Variants in THOP1 observed in about 807,000 individuals in gnomAD.
THOP1 encodes thimet oligopeptidase.
THOP1 carries 49 observed loss-of-function variants against 71.8 expected under a neutral mutation model. The observed-to-expected ratio is 0.68, with a 90% CI of 0.54 to 0.87. The LOEUF (loss-of-function observed/expected upper bound fraction) is 0.87. THOP1 is among the 40% of genes least tolerant of loss of function. The pLI is 0.00. For synonymous variants in THOP1, 426 were observed against 421.5 expected, an observed-to-expected ratio of 1.01 and a Z score of -0.13; for missense variants, 843 against 975.6, an observed-to-expected ratio of 0.86 and a Z score of 1.81.
chr19:2,810,513 A>C (rs960346308), intron 10 of THOP1, 23 bp downstream of exon 10: 4 of 1,542,896 alleles, frequency 2.6e-6, no homozygotes, highest in Non-Finnish European at 3.5e-6. Context: ...CGTCCGGGGA[A>C]GGGTGCTAAC....
intron 3 of THOP1, 58 bp from the exon 4 acceptor site, chr19:2,796,023 G>A (rs1736180): frequency 0.3 from 427,194 of 1,400,916 alleles, 67,163 homozygotes; most frequent in East Asian, 0.46. Context: ...CTGCCAAACT[G>A]CTCTTTGGAG....
At chr19:2,812,107 C>T (rs1393683518) in intron 12 of THOP1, 1 of 1,382,460 alleles carries the variant, frequency 7.2e-7, no homozygotes, top group African/African-American at 1.5e-5. Context: ...CTTCCGGGAT[C>T]TGCGTGATCG....
At chr19:2,788,355 GCA>G (rs938111043) in intron 1 of THOP1, among the ~76,000 whole-genome samples, 2 of 152,182 alleles carry the variant, frequency 1.3e-5, no homozygotes, top group Admixed American at 6.5e-5. Context: ...TTGTAAAAAT[GCA>G]CATCTGATTG....
At chr19:2,789,254 T>C (rs1270764987) in intron 1 of THOP1, among the ~76,000 whole-genome samples, 1 of 152,190 alleles carries the variant, frequency 6.6e-6, no homozygotes, top group Non-Finnish European at 1.5e-5. Flanking sequence ...CTGGACCCTC[T>C]GCAGAACTGT....
At position 2,790,637 on chromosome 19, in the gene THOP1, A is replaced by G. The variant is rs772896992; in HGVS notation, c.229+4A>G. The G allele has an allele frequency of 5.2e-6, 8 of 1,538,434 alleles. No individual in the cohort carries two copies. Among genetic ancestry groups the G allele is most frequent in the Non-Finnish European group, 7.0e-6 (8 of 1,142,792 alleles). ...GATGTGGAGGTCACCTACACAGGTA[A>G]GTCCCAGGCAGGGTCTGTGCGTGGG... On this transcript the variant is annotated splice_donor_region_variant and intron_variant, in intron 2 of 12. Transcript: ENST00000307741.
intron 4 of THOP1, among the ~76,000 whole-genome samples, chr19:2,797,011 G>A (rs1418973545): frequency 2.0e-5 from 3 of 152,198 alleles, no homozygotes; most frequent in African/African-American, 7.2e-5. Context: ...AGTGGCGACC[G>A]CCACTGGAAA....
At chr19:2,807,324 A>C in intron 7 of THOP1, 118 bp from the exon 8 acceptor site, 1 of 1,419,546 alleles carries the variant, frequency 7.0e-7, no homozygotes, top group Non-Finnish European at 9.2e-7. Flanking sequence ...GTTGCCGGGA[A>C]CTGCGGGTCC....
At chr19:2,812,155 A>G (rs941407) in intron 12 of THOP1, 470,744 of 1,465,760 alleles carry the variant, frequency 0.32, 81,882 homozygotes, top group African/African-American at 0.67. Context: ...CCTTCTCTGG[A>G]GAAGGCTTGG....
At chr19:2,791,781 G>A (rs915734502) in intron 2 of THOP1, among the ~76,000 whole-genome samples, 1 of 152,112 alleles carries the variant, frequency 6.6e-6, no homozygotes, top group Admixed American at 6.5e-5. Context: ...CCTTCACATG[G>A]TGGCGAGACT....
At chr19:2,789,068 C>T (rs1420900432) in intron 1 of THOP1, among the ~76,000 whole-genome samples, 2 of 152,332 alleles carry the variant, frequency 1.3e-5, no homozygotes, top group Middle Eastern at 3.4e-3. Context: ...GCCAGGCCTG[C>T]CTATTTTTGT....
In THOP1 at chr19:2,809,294, TC is replaced by T. The variant is rs1381172423; in HGVS notation, c.1455+854del. On this transcript the variant is annotated intron_variant, in intron 9 of 12. Transcript: ENST00000307741. ...GAGCACAGCTTGCACACACAGGGTG[TC>T]CCCATGAGGCACATCATGGCCTCCT... Among the ~76,000 whole-genome samples, 6 of 152,120 alleles carry T rather than the reference TC, an allele frequency of 3.9e-5. No homozygotes were observed. The East Asian group carries it at 1.2e-3, about 29-fold the overall frequency.
At chr19:2,809,232 G>A (rs1386945777) in intron 9 of THOP1, among the ~76,000 whole-genome samples, 2 of 152,186 alleles carry the variant, frequency 1.3e-5, no homozygotes, top group Non-Finnish European at 2.9e-5. Context: ...ACGGGTTCAC[G>A]TTGAACACAT....
intron 4 of THOP1, 34 bp downstream of exon 4, chr19:2,796,222 G>T (rs755660207): frequency 1.3e-6 from 2 of 1,542,166 alleles, no homozygotes; most frequent in African/African-American, 2.7e-5. Context: ...CTGGGCGTGG[G>T]CAATGGTCGA....
At chr19:2,797,301 CA>C (rs1249527932) in intron 4 of THOP1, among the ~76,000 whole-genome samples, 1 of 152,168 alleles carries the variant, frequency 6.6e-6, no homozygotes, top group Non-Finnish European at 1.5e-5. Flanking sequence ...AAGATGTTTG[CA>C]GGCGAGCTGT....
chr19:2,802,412 C>G (rs1916171267), intron 5 of THOP1, among the ~76,000 whole-genome samples: 1 of 144,482 alleles, frequency 6.9e-6, no homozygotes, highest in African/African-American at 2.6e-5. Context: ...CTGACACCCC[C>G]ACCTCCCGAC....
rs372299998 is a variant in THOP1 at position 2,789,707 on chromosome 19, G to C, written c.17-714G>C. 2.0e-5 allele frequency among the ~76,000 whole-genome samples: 3 copies of C among 152,080 alleles called. No individual in the cohort carries two copies. The East Asian group carries it at 5.8e-4, about 29-fold the overall frequency. ...CCCTTTTGTGAACACCCAGGGGTTT[G>C]TACAGGCTGATCTGTGCATGGTGTC... is the stretch of plus-strand genomic sequence containing the variant. On this transcript the variant is annotated intron_variant, in intron 1 of 12. Coordinates refer to ENST00000307741, the MANE Select transcript of THOP1 (RefSeq NM_003249.5).
intron 8 of THOP1, 77 bp from the exon 9 acceptor site, chr19:2,808,166 G>A (rs945595540): frequency 6.8e-7 from 1 of 1,471,880 alleles, no homozygotes; most frequent in African/African-American, 1.4e-5. Flanking sequence ...GCAGTCAGGT[G>A]GGCTGAGGGA....
At chr19:2,810,876 C>G (rs1916445276) in intron 11 of THOP1, 108 bp downstream of exon 11, 2 of 1,453,840 alleles carry the variant, frequency 1.4e-6, no homozygotes, top group East Asian at 5.0e-5. Context: ...TGCAGGAGTC[C>G]CTGCTGGGGA....
At chr19:2,800,621 G>A (rs1916123028) in intron 5 of THOP1, among the ~76,000 whole-genome samples, 1 of 152,236 alleles carries the variant, frequency 6.6e-6, no homozygotes, top group Non-Finnish European at 1.5e-5. Flanking sequence ...GTGGTCACCT[G>A]GGCGTATGTT....
Sources: allele counts gnomAD v4.1 joint callset (sites outside exome capture counted in the v4.1 genomes callset), GRCh38; gene constraint gnomAD v4.1.1; transcripts MANE v1.5; gene names NCBI Gene and HGNC (gene_info 2026-07-23, HGNC 2026-07-21).